Variants in TMEM39A observed in about 807,000 individuals in gnomAD.
TMEM39A encodes the protein transmembrane protein 39A.
Under a neutral mutation model 51.9 loss-of-function variants are expected in TMEM39A, and 19 were observed. The observed-to-expected ratio is 0.37, with a 90% CI of 0.26 to 0.54. TMEM39A has a LOEUF of 0.54. TMEM39A is among the 20% of genes least tolerant of loss of function. TMEM39A has a pLI of 0.88. For missense variants in TMEM39A, 433 were observed against 590.5 expected (o/e 0.73, Z 2.76); for synonymous variants, 197 against 220.2 (o/e 0.89, Z 0.93).
chr3:119,448,090 G>C (rs1022315509), intron 4 of TMEM39A, among the ~76,000 whole-genome samples: 4 of 152,236 alleles, frequency 2.6e-5, no homozygotes, highest in Admixed American at 6.5e-5. Flanking sequence ...AAAATAATCC[G>C]ATCTTCTTTG....
At chr3:119,448,112 T>C (rs1364704755) in intron 4 of TMEM39A, among the ~76,000 whole-genome samples, 2 of 152,220 alleles carry the variant, frequency 1.3e-5, no homozygotes, top group South Asian at 2.1e-4. Context: ...CAGATCCCTA[T>C]ATAAATAAGT....
chr3:119,436,045 A>C (rs981348659), intron 7 of TMEM39A: 10 of 708,806 alleles, frequency 1.4e-5, no homozygotes, highest in African/African-American at 5.6e-5. Context: ...TTCTAGATGA[A>C]ATTTGTGAAA....
At chr3:119,452,627 C>T (rs1309499956) in intron 3 of TMEM39A, 97 bp from the exon 4 acceptor site, 3 of 872,306 alleles carry the variant, frequency 3.4e-6, no homozygotes, top group Non-Finnish European at 5.5e-6. Context: ...AAAGATCTTC[C>T]TTAGATCACC....
intron 2 of TMEM39A, among the ~76,000 whole-genome samples, chr3:119,459,579 T>C (rs2081311678): frequency 6.6e-6 from 1 of 152,218 alleles, no homozygotes; most frequent in Non-Finnish European, 1.5e-5. Context: ...ATACACAATA[T>C]ATCTTCCTTT....
intron 3 of TMEM39A, among the ~76,000 whole-genome samples, chr3:119,453,920 T>C (rs1290900882): frequency 6.6e-6 from 1 of 152,000 alleles, no homozygotes; most frequent in Non-Finnish European, 1.5e-5. Context: ...TAACAAATAA[T>C]GACTAAGAAG....
At chr3:119,457,899 A>G (rs1296956159) in intron 3 of TMEM39A, 119 bp downstream of exon 3, 1 of 663,212 alleles carries the variant, frequency 1.5e-6, no homozygotes, top group Non-Finnish European at 2.5e-6. Flanking sequence ...TCTGTGGCCT[A>G]GCAGAAAAAC....
At chr3:119,435,572 C>CT (rs201436194) in intron 7 of TMEM39A, 30,438 of 782,514 alleles carry the variant, frequency 0.039, 15 homozygotes, top group East Asian at 0.059. Context: ...TCAGGTTAAG[C>CT]TTTTTAAAAA....
At chr3:119,446,716 C>A in intron 5 of TMEM39A, 1 of 238,296 alleles carries the variant, frequency 4.2e-6, no homozygotes, top group Non-Finnish European at 8.1e-6. Context: ...CTACCGTTTA[C>A]CCAAATATAG....
chr3:119,432,782 C>T (rs186670735), intron 8 of TMEM39A, among the ~76,000 whole-genome samples: 2 of 152,174 alleles, frequency 1.3e-5, no homozygotes, highest in African/African-American at 4.8e-5. Flanking sequence ...ACTGTTTACC[C>T]ACCATGGTCA....
At chr3:119,438,277 A>G (rs2107663293) in intron 5 of TMEM39A, among the ~76,000 whole-genome samples, 174 bp from the exon 6 acceptor site, 1 of 152,324 alleles carries the variant, frequency 6.6e-6, no homozygotes. Context: ...GAGCTCTTCA[A>G]TTTCTTTCCA....
intron 2 of TMEM39A, among the ~76,000 whole-genome samples, chr3:119,459,892 T>A (rs1029932862): frequency 6.6e-6 from 1 of 152,222 alleles, no homozygotes; most frequent in Non-Finnish European, 1.5e-5. Flanking sequence ...AAGTGAGTTC[T>A]CCTCATCTGG....
Position 119,438,015 on chromosome 3 carries a change from C to T in TMEM39A, c.664G>A (p.Glu222Lys), listed in dbSNP as rs144555878. Reference sequence around the variant, plus strand: ...GTCGAGGCACTTTCCTCTACTGCCTCGTGCTGAACCACATAGTTGTAGTCT... The same window carrying T: ...GTCGAGGCACTTTCCTCTACTGCCTTGTGCTGAACCACATAGTTGTAGTCT... ...LTDYNYVVQHEAVEESASTVG... is the reference protein window; with the variant it reads ...LTDYNYVVQHKAVEESASTVG... The change falls in exon 6 of 9, where the codon GAG becomes AAG. Residue 222 changes from glutamate (E) to lysine (K), a missense_variant. Glu to Lys is a moderately conservative substitution (Grantham distance 56). Transcript: ENST00000319172. 360 of 1,613,946 alleles carry T rather than the reference C, an allele frequency of 2.2e-4. No homozygotes were observed. The highest frequency in any genetic ancestry group is 2.9e-4 in the Non-Finnish European group (340 of 1,179,984).
rs141907170 is a variant in TMEM39A, at chr3:119,446,827, T to C, written c.575+191A>G. 123 of 626,122 alleles carry C rather than the reference T, an allele frequency of 2.0e-4. No individual in the cohort carries two copies. The African/African-American group carries it at 2.2e-3, about 11-fold the overall frequency. 38.8% of individuals were successfully genotyped at this position (626,122 alleles called of 1,614,324 possible). A position where few individuals can be genotyped will look rare whatever the true frequency, so the allele number is the denominator to read the frequency against. ...GGTTTCCCAGGACAGTCCTGGTTTA[T>C]GCCTGTTGTCCCAACTGTACTCCAG... On this transcript the variant is annotated intron_variant, in intron 5 of 8. Coordinates refer to ENST00000319172, the MANE Select transcript of TMEM39A (RefSeq NM_018266.3).
chr3:119,454,582 G>T (rs2081241226), intron 3 of TMEM39A, among the ~76,000 whole-genome samples: 1 of 152,176 alleles, frequency 6.6e-6, no homozygotes, highest in South Asian at 2.1e-4. Context: ...ATGAGGTCAG[G>T]ATATCAAGAC....
chr3:119,431,763 C>G lies in TMEM39A; in HGVS notation c.*218G>C, dbSNP rs549322732. ...CAAATCAATCTCTTTACTGGACAGG[C>G]ATACCTCTCATATGTATATTATTCG... On this transcript the variant is annotated 3_prime_UTR_variant, in exon 9 of 9. Coordinates refer to ENST00000319172, the MANE Select transcript of TMEM39A (RefSeq NM_018266.3). 1 of 367,272 alleles carries G rather than the reference C, an allele frequency of 2.7e-6. No individual in the cohort carries two copies. Among genetic ancestry groups the G allele is most frequent in the Non-Finnish European group, 4.9e-6 (1 of 205,362 alleles). The allele number at this position is 367,272 out of a possible 1,614,324, so 22.8% of individuals were successfully genotyped here.
intron 8 of TMEM39A, among the ~76,000 whole-genome samples, chr3:119,434,464 TG>T (rs1165451781): frequency 6.6e-6 from 1 of 152,064 alleles, no homozygotes; most frequent in Non-Finnish European, 1.5e-5. Flanking sequence ...AATGGTAAGA[TG>T]AAAAAGGAGT....
At chr3:119,443,570 TTAAGA>T (rs1577054811) in intron 5 of TMEM39A, among the ~76,000 whole-genome samples, 1 of 152,306 alleles carries the variant, frequency 6.6e-6, no homozygotes, top group South Asian at 2.1e-4. Flanking sequence ...TATTTTTTAA[TTAAGA>T]TATGTACTTT....
intron 5 of TMEM39A, among the ~76,000 whole-genome samples, chr3:119,440,325 A>T (rs1399072307): frequency 6.6e-6 from 1 of 152,186 alleles, no homozygotes; most frequent in Non-Finnish European, 1.5e-5. Context: ...GGGCTCTACA[A>T]TGGAGGGCTT....
At chr3:119,456,876 G>A (rs528356071) in intron 3 of TMEM39A, among the ~76,000 whole-genome samples, 1 of 152,230 alleles carries the variant, frequency 6.6e-6, no homozygotes, top group East Asian at 1.9e-4. Context: ...AAAGTGCTGG[G>A]ATTATAGGCA....
Sources: gnomAD v4.1 joint callset for allele counts (sites outside exome capture counted in the v4.1 genomes callset) on GRCh38, gnomAD v4.1.1 for gene constraint, MANE v1.5 for transcripts, NCBI Gene and HGNC (gene_info 2026-07-23, HGNC 2026-07-21) for gene names.